The following GNPAT variants were observed in gnomAD, a reference collection of about 807,000 sequenced individuals.
GNPAT encodes glyceronephosphate O-acyltransferase.
GNPAT carries 30 observed loss-of-function variants against 78.4 expected under a neutral mutation model. The observed-to-expected ratio is 0.38, with a 90% CI of 0.29 to 0.52. The LOEUF (loss-of-function observed/expected upper bound fraction) is 0.52. GNPAT is among the 20% of genes least tolerant of loss of function. GNPAT has a pLI of 0.84. For missense variants in GNPAT, 714 were observed against 812.2 expected, an observed-to-expected ratio of 0.88 and a Z score of 1.47; for synonymous variants, 271 against 281.1, an observed-to-expected ratio of 0.96 and a Z score of 0.36.
At chr1:231,244,563 A>G (rs1684698819) in intron 1 of GNPAT, among the ~76,000 whole-genome samples, 1 of 152,180 alleles carries the variant, frequency 6.6e-6, no homozygotes, top group Non-Finnish European at 1.5e-5. Context: ...AGGTTTGGTC[A>G]GGGTAATAGA....
rs11446278 is a variant in GNPAT at position 231,259,647 on chromosome 1, C to CAA, written c.262-845_262-844dup. Among the ~76,000 whole-genome samples the CAA allele has an allele frequency of 1.8e-3, 216 of 117,402 alleles. 4 individuals are homozygous for CAA. Among genetic ancestry groups the CAA allele is most frequent in the South Asian group, 4.3e-3 (15 of 3,490 alleles). The allele number at this position is 117,402 out of a possible 152,430, so 77.0% of individuals were successfully genotyped here. A position where few individuals can be genotyped will look rare whatever the true frequency, so the allele number is the denominator to read the frequency against. ...GGGCAACAAGAGCGAAACTCCGTCT[C>CAA]AAAAAAAAAAAAAAAAGGTTAATTT... On this transcript the variant is annotated intron_variant, in intron 2 of 15. Coordinates refer to ENST00000366647, the MANE Select transcript of GNPAT (RefSeq NM_014236.4).
chr1:231,274,188 G>A (rs750333197), intron 12 of GNPAT, 126 bp downstream of exon 12: 1 of 852,170 alleles, frequency 1.2e-6, no homozygotes, highest in South Asian at 1.3e-5. Flanking sequence ...GAAGGAGAGA[G>A]AGTGACTAAT....
intron 1 of GNPAT, among the ~76,000 whole-genome samples, chr1:231,242,493 CA>C (rs1193323641): frequency 6.6e-6 from 1 of 152,204 alleles, no homozygotes; most frequent in East Asian, 1.9e-4. Flanking sequence ...CCCTCTCTAT[CA>C]AGACCTTTCG....
intron 2 of GNPAT, among the ~76,000 whole-genome samples, chr1:231,253,130 G>T (rs576957583): frequency 3.9e-5 from 6 of 152,182 alleles, no homozygotes; most frequent in African/African-American, 1.4e-4. Flanking sequence ...CGCCACGCCC[G>T]GCTAATTTTT....
chr1:231,260,600 A>G lies in GNPAT; in HGVS notation c.355A>G (p.Ile119Val), dbSNP rs763857688. 1.2e-5 allele frequency: 19 copies of G among 1,613,108 alleles called. No homozygotes were observed. The highest frequency in any genetic ancestry group is 1.5e-5 in the Non-Finnish European group (18 of 1,179,222). ...GAGTCACAAACTGCGTCTTGGAGCC[A>G]TTCGGTTTTGTGCCTTCACCCTGAG... ...EMSHKLRLGA[I>V]RFCAFTLSKV... Residue 119 changes from isoleucine (I) to valine (V), a missense_variant, in exon 3 of 16, where the codon ATT becomes GTT. By Grantham distance (29) the Ile-to-Val change is conservative. Transcript: ENST00000366647.
rs525427 is a variant in GNPAT, at chr1:231,268,220, A to G, written c.1279+317A>G. ...CGGGAGGCTGAGGCAGGAGAATGGC[A>G]TGAACCCAGGAGGCGGAGCTTGCAG... On this transcript the variant is annotated intron_variant, in intron 9 of 15. Transcript: ENST00000366647. 0.58 allele frequency among the ~76,000 whole-genome samples: 87,903 copies of G among 151,596 alleles called. 25,773 individuals are homozygous for G. Among genetic ancestry groups the G allele is most frequent in the African/African-American group, 0.65 (26,893 of 41,366 alleles).
intron 1 of GNPAT, among the ~76,000 whole-genome samples, chr1:231,248,283 A>G (rs530555970): frequency 1.3e-5 from 2 of 152,352 alleles, no homozygotes; most frequent in Admixed American, 1.3e-4. Context: ...TGTTACTAAG[A>G]AAATCATAAG....
At chr1:231,272,692 C>T (rs894517559) in intron 11 of GNPAT, among the ~76,000 whole-genome samples, 2 of 152,146 alleles carry the variant, frequency 1.3e-5, no homozygotes, top group Non-Finnish European at 2.9e-5. Flanking sequence ...AGCACACAGC[C>T]GGGCGCAGTG....
Position 231,241,384 on chromosome 1 carries a change from GTC to G in GNPAT, c.8_9del (p.Ser3PhefsTer5). 6.2e-7 allele frequency: 1 copy of G among 1,613,308 alleles called. No homozygotes were observed. Among genetic ancestry groups the G allele is most frequent in the Non-Finnish European group, 8.5e-7 (1 of 1,179,216 alleles). On this transcript the variant is annotated frameshift_variant, in exon 1 of 16. Coordinates refer to ENST00000366647, the MANE Select transcript of GNPAT (RefSeq NM_014236.4). LOFTEE classifies it high-confidence loss of function. Reference protein sequence around the residue: MESSSSSNSYFSV... With the variant: MEXSSSSNSYFSV... Reference sequence around the variant, plus strand: ...CCCGGGAAGGCAGCCGCACCATGGAGTCTTCCAGTTCATCTAACTCTTATTTC... The same window carrying G: ...CCCGGGAAGGCAGCCGCACCATGGAGTTCCAGTTCATCTAACTCTTATTTC...
At chr1:231,266,443 A>T in intron 8 of GNPAT, 36 bp downstream of exon 8, 1 of 1,592,432 alleles carries the variant, frequency 6.3e-7, no homozygotes, top group East Asian at 2.2e-5. Flanking sequence ...CTTAGAAATG[A>T]GGATTAAAAT....
chr1:231,251,155 C>T lies in GNPAT; in HGVS notation c.261+12C>T. Reference sequence around the variant, plus strand: ...ATGTCATTAAACAGGTAAGTGATTCCCTCTTCAACCATGGCCAGATTTGTT... The same window carrying T: ...ATGTCATTAAACAGGTAAGTGATTCTCTCTTCAACCATGGCCAGATTTGTT... On this transcript the variant is annotated intron_variant, in intron 2 of 15. Coordinates refer to ENST00000366647, the MANE Select transcript of GNPAT (RefSeq NM_014236.4). 6.7e-7 allele frequency: 1 copy of T among 1,499,366 alleles called. No homozygotes were observed. The highest frequency in any genetic ancestry group is 9.1e-7 in the Non-Finnish European group (1 of 1,096,328). The allele number at this position is 1,499,366 out of a possible 1,614,324, so 92.9% of individuals were successfully genotyped here. A position where few individuals can be genotyped will look rare whatever the true frequency, so the allele number is the denominator to read the frequency against.
chr1:231,265,633 G>A, intron 5 of GNPAT, 79 bp from the exon 6 acceptor site: 1 of 974,186 alleles, frequency 1.0e-6, no homozygotes, highest in Non-Finnish European at 1.7e-6. Context: ...AGGGAGCTTG[G>A]GAAAAGGAAT....
At chr1:231,273,600 T>A (rs955086690) in intron 11 of GNPAT, among the ~76,000 whole-genome samples, 1 of 152,212 alleles carries the variant, frequency 6.6e-6, no homozygotes, top group African/African-American at 2.4e-5. Flanking sequence ...GGACTTGCTG[T>A]ATGTATTTCC....
rs375063583 is a variant in GNPAT, at chr1:231,270,852, C to T, written c.1374C>T (p.Asp458=). The T allele has an allele frequency of 6.2e-6, 10 of 1,613,996 alleles. No individual in the cohort carries two copies. Among genetic ancestry groups the T allele is most frequent in the Non-Finnish European group, 8.5e-6 (10 of 1,179,964 alleles). Residue 458 remains aspartate, a synonymous_variant, in exon 10 of 16, where the codon GAC becomes GAT. Transcript: ENST00000366647. ...LVKDQVILKV[D]SGDSEVVDGL... The stretch of plus-strand genomic sequence containing the variant: ...AAGACCAGGTGATTCTGAAAGTGGA[C>T]TCCGGAGACTCGGAAGTGGTCGATG...
At chr1:231,275,855 G>A (rs1449039875) in intron 14 of GNPAT, among the ~76,000 whole-genome samples, 2 of 152,164 alleles carry the variant, frequency 1.3e-5, no homozygotes, top group African/African-American at 4.8e-5. Flanking sequence ...ACCTGTATAT[G>A]TATATATAAA....
At chr1:231,253,969 C>T (rs770540685) in intron 2 of GNPAT, among the ~76,000 whole-genome samples, 1 of 152,182 alleles carries the variant, frequency 6.6e-6, no homozygotes, top group Admixed American at 6.5e-5. Context: ...CCTGCCACCA[C>T]ACCCGGCTAA....
chr1:231,260,773 C>A, intron 3 of GNPAT, 90 bp downstream of exon 3: 1 of 882,018 alleles, frequency 1.1e-6, no homozygotes, highest in Non-Finnish European at 1.8e-6. Context: ...CAACCCCTCA[C>A]AATTTAATCA....
chr1:231,263,356 ACTCCCCGTTCTACC>A (rs1410161453), intron 4 of GNPAT, among the ~76,000 whole-genome samples: 1 of 151,098 alleles, frequency 6.6e-6, no homozygotes, highest in African/African-American at 2.4e-5. Context: ...CATTCAACAC[ACTCCCCGTTCTACC>A]CTCCCCCTGA....
chr1:231,251,478 A>T (rs931335241), intron 2 of GNPAT, among the ~76,000 whole-genome samples: 1 of 152,296 alleles, frequency 6.6e-6, no homozygotes, highest in Middle Eastern at 3.4e-3. Flanking sequence ...ATTTTTTTTA[A>T]TGAGGCCTAA....
Sources: gnomAD v4.1 joint callset for allele counts (sites outside exome capture counted in the v4.1 genomes callset) on GRCh38, gnomAD v4.1.1 for gene constraint, MANE v1.5 for transcripts, NCBI Gene and HGNC (gene_info 2026-07-23, HGNC 2026-07-21) for gene names.